The following RANBP2 variants were observed in gnomAD, a reference collection of about 807,000 sequenced individuals.
RANBP2 encodes RAN binding protein 2.
A neutral mutation model predicts 303.6 loss-of-function variants in RANBP2; 57 were observed. That is an observed-to-expected ratio of 0.19 (90% CI 0.15 to 0.23). The LOEUF is 0.23. RANBP2 is among the 10% of genes least tolerant of loss of function. RANBP2 has a pLI of 1.00. For missense variants in RANBP2, 3,138 were observed against 3,780.8 expected (o/e 0.83, Z 4.46); for synonymous variants, 1,167 against 1,301.5 (o/e 0.90, Z 2.23).
chr2:109,474,988 T>C, the RANBP2 span, among the ~76,000 whole-genome samples: 1 of 152,062 alleles, frequency 6.6e-6, no homozygotes, highest in African/African-American at 2.4e-5. Context: ...TTTGTTTGTT[T>C]GTTTTTTTGA....
chr2:108,765,041 C>T lies in RANBP2; in HGVS notation c.4502C>T (p.Ala1501Val), dbSNP rs748431179. Residue 1501 changes from alanine to valine, a missense_variant, in exon 20 of 29, where the codon GCT (alanine) becomes GTT (valine). By Grantham distance (64) the Ala-to-Val change is moderately conservative. Transcript: ENST00000283195. ...GAGGGGAGCTCTACAAAATGTGCTG[C>T]TTGTCAGAATCCGAGAAAACAGAGT... ...QNEGSSTKCA[A>V]CQNPRKQSLP... is the part of the protein sequence containing the mutation. The T allele has an allele frequency of 2.5e-6, 4 of 1,613,788 alleles. No individual in the cohort carries two copies. The Admixed American group carries it at 5.0e-5, about 20-fold the overall frequency.
chr2:109,369,867 C>T, the RANBP2 span, among the ~76,000 whole-genome samples: 11 of 152,324 alleles, frequency 7.2e-5, no homozygotes, highest in African/African-American at 1.9e-4. Context: ...TCCCTCTGAC[C>T]CCAAAAGAGG....
the RANBP2 span, among the ~76,000 whole-genome samples, chr2:109,477,931 T>C: frequency 1.3e-5 from 2 of 152,194 alleles, no homozygotes; most frequent in Non-Finnish European, 2.9e-5. Context: ...GGCATGGACC[T>C]GCAGGAAAGA....
At chr2:108,894,305 C>A in the RANBP2 span, among the ~76,000 whole-genome samples, 1 of 152,064 alleles carries the variant, frequency 6.6e-6, no homozygotes, top group African/African-American at 2.4e-5. Flanking sequence ...TAGTGAATGT[C>A]CCAGGCCATA....
chr2:109,676,023 C>A, the RANBP2 span, among the ~76,000 whole-genome samples: 1 of 152,236 alleles, frequency 6.6e-6, no homozygotes, highest in South Asian at 2.1e-4. Flanking sequence ...GCTGTCCACA[C>A]GTTCATTCCT....
At chr2:109,276,485 T>C in the RANBP2 span, among the ~76,000 whole-genome samples, 1 of 152,180 alleles carries the variant, frequency 6.6e-6, no homozygotes, top group Admixed American at 6.5e-5. Flanking sequence ...CAGGTGTCGC[T>C]GCATGGAAGG....
the RANBP2 span, among the ~76,000 whole-genome samples, chr2:109,529,669 G>A: frequency 4.6e-5 from 7 of 152,226 alleles, no homozygotes; most frequent in Admixed American, 2.6e-4. Flanking sequence ...AGGGGGAACT[G>A]TGGAAGGCGT....
At chr2:108,845,465 C>G in the RANBP2 span, among the ~76,000 whole-genome samples, 2 of 152,066 alleles carry the variant, frequency 1.3e-5, no homozygotes, top group African/African-American at 4.8e-5. Flanking sequence ...AACTCAGTCA[C>G]ATGAGATTGG....
rs370737050 is a variant in RANBP2 at position 108,751,916 on chromosome 2, A to G, written c.1677A>G (p.Ile559Met). The G allele has an allele frequency of 3.7e-6, 6 of 1,611,904 alleles. No individual in the cohort carries two copies. The African/African-American group carries it at 8.0e-5, about 22-fold the overall frequency. Residue 559 changes from isoleucine to methionine, a missense_variant, in exon 12 of 29, where the codon ATA becomes ATG. Transcript: ENST00000283195. ...TGAGACTTCTAGTTCAGCATGAAAT[A>G]AACACTCTAAGAGCCCAGGAAAAAC... ...AKLRLLVQHEINTLRAQEKHG... is the reference protein window; with the variant it reads ...AKLRLLVQHEMNTLRAQEKHG...
At chr2:108,823,419 C>A in the RANBP2 span, among the ~76,000 whole-genome samples, 1 of 152,200 alleles carries the variant, frequency 6.6e-6, no homozygotes, top group African/African-American at 2.4e-5. Flanking sequence ...ACAGTACAGT[C>A]ATGTGTTGCT....
the RANBP2 span, among the ~76,000 whole-genome samples, chr2:109,577,565 C>G: frequency 2.3e-4 from 34 of 150,312 alleles, no homozygotes; most frequent in African/African-American, 8.1e-4. Flanking sequence ...GCATTCTAGC[C>G]TCAGTGACAG....
the RANBP2 span, among the ~76,000 whole-genome samples, chr2:109,582,930 G>T: frequency 1.3e-5 from 2 of 152,274 alleles, no homozygotes; most frequent in South Asian, 4.1e-4. Flanking sequence ...AATGGGGAAA[G>T]GACTCTCTAT....
the RANBP2 span, among the ~76,000 whole-genome samples, chr2:108,838,600 T>C: frequency 1.3e-5 from 2 of 152,294 alleles, no homozygotes; most frequent in African/African-American, 4.8e-5. Context: ...CAAAATGATA[T>C]ACTTTTGAAG....
At chr2:109,234,987 C>T in the RANBP2 span, among the ~76,000 whole-genome samples, 1 of 152,206 alleles carries the variant, frequency 6.6e-6, no homozygotes. Context: ...CAACGTTTGA[C>T]TATGGCATAT....
At chr2:109,564,355 C>T in the RANBP2 span, 1 of 1,523,736 alleles carries the variant, frequency 6.6e-7, no homozygotes, top group Non-Finnish European at 8.8e-7. Flanking sequence ...TTCCCAAGAA[C>T]CCCACCCTAC....
chr2:108,970,562 C>G, the RANBP2 span, among the ~76,000 whole-genome samples: 3 of 151,972 alleles, frequency 2.0e-5, no homozygotes, highest in African/African-American at 7.3e-5. Flanking sequence ...GGGAGGTGGA[C>G]AGGATTGCAG....
the RANBP2 span, among the ~76,000 whole-genome samples, chr2:109,452,369 G>GT: frequency 6.6e-6 from 1 of 152,170 alleles, no homozygotes; most frequent in Non-Finnish European, 1.5e-5. Context: ...TATGGCAAAG[G>GT]TTTTTTAAAG....
chr2:109,253,069 C>T, the RANBP2 span, among the ~76,000 whole-genome samples: 5 of 152,058 alleles, frequency 3.3e-5, no homozygotes, highest in East Asian at 9.7e-4. Flanking sequence ...GCTCTGTTGC[C>T]CAGGCTGGAG....
chr2:109,703,680 C>T, the RANBP2 span, among the ~76,000 whole-genome samples: 6 of 152,348 alleles, frequency 3.9e-5, no homozygotes, highest in Non-Finnish European at 5.9e-5. Context: ...CCGCCCGCCT[C>T]GGCCTCCAAA....
Sources: gnomAD v4.1 joint callset for allele counts (sites outside exome capture counted in the v4.1 genomes callset) on GRCh38, gnomAD v4.1.1 for gene constraint, MANE v1.5 for transcripts, NCBI Gene and HGNC (gene_info 2026-07-23, HGNC 2026-07-21) for gene names.